USH2A: variants seen among roughly 807,000 people sequenced by gnomAD.
The protein encoded by USH2A is usherin.
In USH2A, 443 loss-of-function variants were observed where a neutral mutation model predicts 538.9. That is an observed-to-expected ratio of 0.82 (90% CI 0.76 to 0.89). The LOEUF (loss-of-function observed/expected upper bound fraction) is 0.89. Among genes scored for constraint, USH2A ranks in the 40% least tolerant of loss-of-function variants. The pLI is 0.00. For missense variants in USH2A, 6,633 were observed against 6,324.8 expected, an observed-to-expected ratio of 1.05 and a Z score of -1.65; for synonymous variants, 2,413 against 2,273.5, an observed-to-expected ratio of 1.06 and a Z score of -1.75.
chr1:216,170,603 C>T (rs1360284106), intron 21 of USH2A, among the ~76,000 whole-genome samples: 1 of 152,030 alleles, frequency 6.6e-6, no homozygotes, highest in East Asian at 1.9e-4. Context: ...CATCTGGATA[C>T]TACAATAGTC....
At chr1:215,863,388 A>G (rs1180991189) in intron 44 of USH2A, among the ~76,000 whole-genome samples, 2 of 152,186 alleles carry the variant, frequency 1.3e-5, no homozygotes, top group East Asian at 3.9e-4. Flanking sequence ...TGCTTTTTAG[A>G]AGAGATGAGA....
At chr1:216,103,784 A>T (rs2032653875) in intron 21 of USH2A, among the ~76,000 whole-genome samples, 1 of 152,200 alleles carries the variant, frequency 6.6e-6, no homozygotes, top group Non-Finnish European at 1.5e-5. Context: ...ATATGCAAAT[A>T]ACCATATTTG....
intron 55 of USH2A, among the ~76,000 whole-genome samples, chr1:215,769,806 G>C (rs1661229824): frequency 6.6e-6 from 1 of 152,170 alleles, no homozygotes; most frequent in African/African-American, 2.4e-5. Flanking sequence ...ATCAAGAGGA[G>C]TCAACATGGT....
At chr1:215,751,757 G>A (rs780328857) in intron 58 of USH2A, among the ~76,000 whole-genome samples, 10 of 152,066 alleles carry the variant, frequency 6.6e-5, no homozygotes, top group Non-Finnish European at 1.2e-4. Flanking sequence ...GGAATGCTTA[G>A]GAATAATCTA....
chr1:215,757,697 A>C (rs1660852426), intron 58 of USH2A, among the ~76,000 whole-genome samples: 1 of 152,138 alleles, frequency 6.6e-6, no homozygotes. Flanking sequence ...TGCAGTCAGG[A>C]TTTTACCTGA....
intron 37 of USH2A, among the ~76,000 whole-genome samples, chr1:215,937,851 A>G (rs375768595): frequency 1.0e-3 from 154 of 152,270 alleles, no homozygotes; most frequent in African/African-American, 3.2e-3. Flanking sequence ...AATATGTATG[A>G]GTATAATATT....
rs76158293 is a variant in USH2A at position 215,694,149 on chromosome 1, T to C, written c.12067-13773A>G. Among the ~76,000 whole-genome samples, 110 of 152,330 alleles carry C rather than the reference T, an allele frequency of 7.2e-4. 2 individuals carry two copies. In the East Asian group the frequency reaches 0.02, roughly 28 times the overall value. On this transcript the variant is annotated intron_variant, in intron 61 of 71. Transcript: ENST00000307340. ...ATTTTGTTGTTGAGCCTAAAGTCCA[T>C]AGGGCCCAAATGACCTGTACAAGAT... is the stretch of plus-strand genomic sequence containing the variant.
intron 38 of USH2A, among the ~76,000 whole-genome samples, chr1:215,919,470 G>C (rs895258790): frequency 6.6e-6 from 1 of 152,068 alleles, no homozygotes; most frequent in Non-Finnish European, 1.5e-5. Context: ...CAGCTAGTAG[G>C]AGGGGGGAAA....
chr1:215,928,750 A>G (rs1457254841), intron 38 of USH2A, among the ~76,000 whole-genome samples: 1 of 152,142 alleles, frequency 6.6e-6, no homozygotes, highest in African/African-American at 2.4e-5. Flanking sequence ...AACTCACACA[A>G]TCAGGTGAGA....
At chr1:216,271,072 G>A (rs932447737) in intron 11 of USH2A, among the ~76,000 whole-genome samples, 2 of 152,058 alleles carry the variant, frequency 1.3e-5, no homozygotes, top group Non-Finnish European at 2.9e-5. Context: ...TCCCCACTGA[G>A]GTAGATTGTT....
intron 49 of USH2A, among the ~76,000 whole-genome samples, chr1:215,807,280 A>C (rs1662531119): frequency 6.6e-6 from 1 of 152,124 alleles, no homozygotes; most frequent in Admixed American, 6.6e-5. Context: ...CCCATTTCAA[A>C]CTTTTGATAT....
At chr1:215,682,844 A>G (rs901570571) in intron 61 of USH2A, among the ~76,000 whole-genome samples, 1 of 151,512 alleles carries the variant, frequency 6.6e-6, no homozygotes, top group African/African-American at 2.4e-5. Context: ...TTCTCATATT[A>G]CATTATTTAT....
At chr1:215,995,207 C>T (rs1668106214) in intron 34 of USH2A, among the ~76,000 whole-genome samples, 3 of 152,098 alleles carry the variant, frequency 2.0e-5, no homozygotes, top group Admixed American at 6.6e-5. Flanking sequence ...ATGATGTCTT[C>T]TAGGATAAGT....
intron 10 of USH2A, 28 bp from the exon 11 acceptor site, chr1:216,289,438 G>T: frequency 1.2e-6 from 2 of 1,613,422 alleles, no homozygotes; most frequent in South Asian, 2.2e-5. Flanking sequence ...TATGCATTAT[G>T]ACTTCTAATT....
chr1:215,672,555 C>A (rs1310085260), intron 63 of USH2A, among the ~76,000 whole-genome samples: 1 of 152,068 alleles, frequency 6.6e-6, no homozygotes, highest in Non-Finnish European at 1.5e-5. Flanking sequence ...TTTGATTTCC[C>A]ACATAAAGAT....
chr1:216,074,956 G>A (rs763908886), intron 27 of USH2A, among the ~76,000 whole-genome samples: 1 of 152,078 alleles, frequency 6.6e-6, no homozygotes, highest in Non-Finnish European at 1.5e-5. Flanking sequence ...CAATGTGAAT[G>A]TACCTAATGC....
intron 11 of USH2A, among the ~76,000 whole-genome samples, chr1:216,260,995 C>T (rs1207916597): frequency 6.6e-6 from 1 of 152,124 alleles, no homozygotes; most frequent in Non-Finnish European, 1.5e-5. Context: ...AGCTGTATTG[C>T]TGCTCATAAA....
In USH2A at chr1:216,323,604, G is replaced by C; in HGVS notation, c.1420C>G (p.Pro474Ala). The C allele has an allele frequency of 6.2e-7, 1 of 1,613,522 alleles. No individual in the cohort carries two copies. The highest frequency in any genetic ancestry group is 8.5e-7 in the Non-Finnish European group (1 of 1,179,740). ...RPGYNNFYNTPSLQEFVKATQ... is the reference protein window; with the variant it reads ...RPGYNNFYNTASLQEFVKATQ... ...GCTTTTACGAACTCTTGAAGAGATG[G>C]GGTATTATAGAAGTTATTGTATCCA... The change falls in exon 8 of 72, where the codon CCA (proline) becomes GCA (alanine). Residue 474 changes from proline (P) to alanine (A), a missense_variant. Transcript: ENST00000307340.
intron 58 of USH2A, among the ~76,000 whole-genome samples, chr1:215,752,067 G>A (rs1571650098): frequency 6.6e-6 from 1 of 151,772 alleles, no homozygotes; most frequent in South Asian, 2.1e-4. Flanking sequence ...AAGAAGAAAT[G>A]TCTCTCTCTC....
Sources: allele counts gnomAD v4.1 joint callset (sites outside exome capture counted in the v4.1 genomes callset), GRCh38; gene constraint gnomAD v4.1.1; transcripts MANE v1.5; gene names NCBI Gene and HGNC (gene_info 2026-07-23, HGNC 2026-07-21).